Variants in PDE1C observed in about 807,000 individuals in gnomAD.
PDE1C encodes the protein phosphodiesterase 1C.
A neutral mutation model predicts 93.1 loss-of-function variants in PDE1C; 62 were observed. The observed-to-expected ratio is 0.67, with a 90% CI of 0.54 to 0.82. The LOEUF (loss-of-function observed/expected upper bound fraction) is 0.82. Ranked by LOEUF, PDE1C falls within the 40% of genes least tolerant of loss-of-function variation. The probability of loss-of-function intolerance (pLI) is 0.00; values close to 1 mark genes in which losing one functional copy is unlikely to be tolerated. For synonymous variants in PDE1C, 325 were observed against 310.1 expected (o/e 1.05, Z -0.50); for missense variants, 742 against 884.6 (o/e 0.84, Z 2.04).
upstream of PDE1C, among the ~76,000 whole-genome samples, chr7:32,074,324 A>T (rs1024472661): frequency 1.3e-5 from 2 of 152,174 alleles, no homozygotes; most frequent in African/African-American, 4.8e-5. Context: ...AACCACATCT[A>T]CCACCCTACC....
chr7:31,754,210 C>T (rs1794301593), intron 17 of PDE1C, among the ~76,000 whole-genome samples: 2 of 152,148 alleles, frequency 1.3e-5, no homozygotes, highest in South Asian at 4.1e-4. Context: ...CTCCACAATG[C>T]TAAAATCTAA....
the PDE1C span, among the ~76,000 whole-genome samples, chr7:31,686,171 G>T: frequency 3.3e-5 from 5 of 152,302 alleles, no homozygotes; most frequent in East Asian, 1.9e-4. Context: ...GGGCATCACT[G>T]GGTGGTCCAT....
chr7:32,298,744 C>A, exon 1 of PDE1C: 1 of 1,584,570 alleles, frequency 6.3e-7, no homozygotes, highest in South Asian at 1.1e-5. Context: ...ATGGCTCGGC[C>A]GGCCGGGCAG....
At chr7:32,070,656 A>G (rs1396273192), upstream of PDE1C, 18 of 1,362,608 alleles carry the variant, frequency 1.3e-5, no homozygotes, top group Non-Finnish European at 1.6e-5. Context: ...AAGCACAGGG[A>G]TAGGGATAGA....
At chr7:32,069,893 A>G (rs1795826044) in intron 1 of PDE1C, among the ~76,000 whole-genome samples, 1 of 152,190 alleles carries the variant, frequency 6.6e-6, no homozygotes, top group Non-Finnish European at 1.5e-5. Flanking sequence ...AAGTTCTTGG[A>G]CCACCTGCCC....
intron 1 of PDE1C, among the ~76,000 whole-genome samples, chr7:32,368,716 C>G (rs962654108): frequency 1.3e-5 from 2 of 152,042 alleles, no homozygotes; most frequent in Non-Finnish European, 2.9e-5. Context: ...GCAAAAAGAA[C>G]AAAGCTGGAA....
At chr7:32,189,162 C>G (rs2128819387) in intron 2 of PDE1C, among the ~76,000 whole-genome samples, 1 of 152,250 alleles carries the variant, frequency 6.6e-6, no homozygotes, top group East Asian at 1.9e-4. Flanking sequence ...GTCTCCATTA[C>G]TCTTTGTCAT....
chr7:32,250,575 T>A lies in PDE1C; in HGVS notation c.86-41036A>T, dbSNP rs2392054. On this transcript the variant is annotated intron_variant, in intron 1 of 18. Transcript: ENST00000396193. Reference sequence around the variant, plus strand: ...CTAATACACTTTCTATGAAATCACATGTCAGTGCTGTCTCTCTAATGTCGT... The same window carrying A: ...CTAATACACTTTCTATGAAATCACAAGTCAGTGCTGTCTCTCTAATGTCGT... Among the ~76,000 whole-genome samples the A allele has an allele frequency of 8.8e-4, 134 of 152,304 alleles. 1 individual carries two copies. Among genetic ancestry groups the A allele is most frequent in the African/African-American group, 3.1e-3 (127 of 41,564 alleles).
At chr7:32,269,020 T>C (rs1810790186) in intron 1 of PDE1C, among the ~76,000 whole-genome samples, 1 of 152,222 alleles carries the variant, frequency 6.6e-6, no homozygotes, top group Admixed American at 6.5e-5. Context: ...CAGTGAGCTA[T>C]AAAACTCAAG....
intron 3 of PDE1C, among the ~76,000 whole-genome samples, chr7:32,103,855 G>C (rs1798158278): frequency 6.6e-6 from 1 of 152,030 alleles, no homozygotes; most frequent in Non-Finnish European, 1.5e-5. Flanking sequence ...GAAGAAACAA[G>C]AATAGGATGC....
intron 1 of PDE1C, among the ~76,000 whole-genome samples, chr7:32,256,971 G>C (rs1294073159): frequency 6.6e-6 from 1 of 152,100 alleles, no homozygotes; most frequent in African/African-American, 2.4e-5. Flanking sequence ...GGGGAAGCAG[G>C]GATGAAATTC....
Position 31,837,886 on chromosome 7 carries a change from G to C in PDE1C, c.1066C>G (p.Leu356Val). ...CACACTTACGCTTCTGGCTGCTGCAGAGCAGTCTTCATTGCTTTGATTTGT... is the reference window on the plus strand; with the variant it reads ...CACACTTACGCTTCTGGCTGCTGCACAGCAGTCTTCATTGCTTTGATTTGT... ...FQQIKAMKTA[L>V]QQPEAIEKPK... The change falls in exon 10 of 18, where the codon CTG (leucine) becomes GTG (valine). Residue 356 changes from leucine (L) to valine (V), a missense_variant. Coordinates refer to ENST00000396191, the MANE Select transcript of PDE1C (RefSeq NM_001191057.4). 1 of 1,612,156 alleles carries C rather than the reference G, an allele frequency of 6.2e-7. No individual in the cohort carries two copies.
chr7:31,964,782 C>A (rs1393211973), intron 2 of PDE1C, among the ~76,000 whole-genome samples: 1 of 152,196 alleles, frequency 6.6e-6, no homozygotes, highest in Non-Finnish European at 1.5e-5. Context: ...GATCAGGCAG[C>A]AGCATTTACA....
the PDE1C span, chr7:31,658,574 C>G: frequency 2.6e-6 from 1 of 380,932 alleles, no homozygotes. Context: ...TTTAAAACAA[C>G]AAATTGTTCA....
chr7:32,243,234 CT>C (rs1381272573), intron 1 of PDE1C, among the ~76,000 whole-genome samples: 1 of 152,176 alleles, frequency 6.6e-6, no homozygotes, highest in Non-Finnish European at 1.5e-5. Context: ...AGAGACAGAG[CT>C]TTCTACAAAT....
At chr7:31,642,236 C>T in the PDE1C span, 48 of 1,554,084 alleles carry the variant, frequency 3.1e-5, no homozygotes, top group African/African-American at 5.5e-5. Context: ...CTGGAGGAGC[C>T]GCTGGAACCG....
At chr7:31,734,445 T>C in the PDE1C span, among the ~76,000 whole-genome samples, 1 of 152,148 alleles carries the variant, frequency 6.6e-6, no homozygotes, top group Non-Finnish European at 1.5e-5. Flanking sequence ...AGTGAGAGTA[T>C]ATGAAAGCCC....
At chr7:32,373,446 G>T (rs392796) in intron 1 of PDE1C, among the ~76,000 whole-genome samples, 136,677 of 151,824 alleles carry the variant, frequency 0.9, 62,488 homozygotes, top group East Asian at 1. Flanking sequence ...ATTAGGGGTT[G>T]CCTAGAGCAG....
chr7:32,092,149 G>A (rs1797505425), intron 3 of PDE1C, among the ~76,000 whole-genome samples: 1 of 134,930 alleles, frequency 7.4e-6, no homozygotes, highest in Non-Finnish European at 1.6e-5. Context: ...TTCCAAAGAT[G>A]TTTCCTTTTG....
Sources: gnomAD v4.1 joint callset for allele counts (sites outside exome capture counted in the v4.1 genomes callset) on GRCh38, gnomAD v4.1.1 for gene constraint, MANE v1.5 for transcripts, NCBI Gene and HGNC (gene_info 2026-07-23, HGNC 2026-07-21) for gene names.